CEP350: variants seen among roughly 807,000 people sequenced by gnomAD.
CEP350 encodes the protein centrosome-associated protein 350.
Under a neutral mutation model 331.8 loss-of-function variants are expected in CEP350, and 126 were observed. The ratio of observed to expected loss-of-function variants is 0.38; its 90% CI spans 0.33 to 0.44. The LOEUF (loss-of-function observed/expected upper bound fraction) is 0.44, where lower values mean the gene tolerates loss of function less well. Among genes scored for constraint, CEP350 ranks in the 20% least tolerant of loss-of-function variants. The pLI is 1.00. For missense variants in CEP350, 3,406 were observed against 3,634.6 expected (o/e 0.94, Z 1.62); for synonymous variants, 1,200 against 1,259.5 (o/e 0.95, Z 1.00).
intron 8 of CEP350, among the ~76,000 whole-genome samples, chr1:180,007,839 CGTGTGTGTGTGTGTGTGTGTGT>C (rs71118426): frequency 2.8e-5 from 4 of 140,906 alleles, no homozygotes; most frequent in African/African-American, 1.0e-4. Flanking sequence ...TTTTATGTAT[CGTGTGTGTGTGTGTGTGTGTGT>C]GTGTGTGTGT....
intron 1 of CEP350, chr1:179,968,752 C>T (rs998326874): frequency 6.5e-6 from 4 of 617,260 alleles, no homozygotes; most frequent in East Asian, 3.7e-5. Context: ...CCAAATGGAA[C>T]AGTACATCTA....
chr1:180,005,891 A>C (rs978894710), intron 7 of CEP350, among the ~76,000 whole-genome samples: 1 of 152,180 alleles, frequency 6.6e-6, no homozygotes, highest in Non-Finnish European at 1.5e-5. Flanking sequence ...TTTAAAGTAC[A>C]TTCATTCAGA....
At chr1:179,990,837 G>A (rs763224214) in intron 4 of CEP350, among the ~76,000 whole-genome samples, 4 of 152,110 alleles carry the variant, frequency 2.6e-5, no homozygotes, top group Non-Finnish European at 5.9e-5. Flanking sequence ...TGGGATTATA[G>A]GTGTAGCTAC....
intron 1 of CEP350, among the ~76,000 whole-genome samples, chr1:179,966,818 C>CT (rs1352481841): frequency 6.6e-6 from 1 of 152,136 alleles, no homozygotes; most frequent in Admixed American, 6.5e-5. Context: ...CAAATGCACA[C>CT]TGATGGAGCT....
intron 8 of CEP350, 25 bp downstream of exon 8, chr1:180,006,592 C>CTT: frequency 1.8e-6 from 2 of 1,104,420 alleles, no homozygotes; most frequent in Non-Finnish European, 2.6e-6. Flanking sequence ...CATGTCCATC[C>CTT]TTTTTTTTTG....
chr1:179,997,207 C>A, intron 6 of CEP350, 32 bp downstream of exon 6: 1 of 1,574,660 alleles, frequency 6.4e-7, no homozygotes, highest in South Asian at 1.2e-5. Context: ...CTTCCTCTCC[C>A]TGCTTCTTTG....
At chr1:180,023,928 A>G (rs577539661) in intron 13 of CEP350, among the ~76,000 whole-genome samples, 122 of 152,288 alleles carry the variant, frequency 8.0e-4, no homozygotes, top group African/African-American at 2.8e-3. Flanking sequence ...TAAAAATTAT[A>G]TGAGAAAAAG....
rs141718359 is a variant in CEP350, at chr1:180,071,331, C to T, written c.5568-3691C>T. 3.6e-4 allele frequency among the ~76,000 whole-genome samples: 51 copies of T among 141,236 alleles called. No homozygotes were observed. In the East Asian group the frequency reaches 5.2e-3, roughly 14 times the overall value. 92.7% of individuals were successfully genotyped at this position (141,236 alleles called of 152,430 possible). A position where few individuals can be genotyped will look rare whatever the true frequency, so the allele number is the denominator to read the frequency against. On this transcript the variant is annotated intron_variant, in intron 27 of 37. Coordinates refer to ENST00000367607, the MANE Select transcript of CEP350 (RefSeq NM_014810.5). ...AAAATTAGCCGGGCGTGGTGATGCG[C>T]GCCTGTAATCCCAGCTACTCAAGAG...
At chr1:180,025,698 T>A (rs1214906592) in intron 14 of CEP350, among the ~76,000 whole-genome samples, 1 of 152,018 alleles carries the variant, frequency 6.6e-6, no homozygotes, top group Non-Finnish European at 1.5e-5. Context: ...AGTTGAACAA[T>A]GCGAACACAT....
At chr1:180,069,903 G>A (rs192000785) in intron 27 of CEP350, among the ~76,000 whole-genome samples, 300 of 152,292 alleles carry the variant, frequency 2.0e-3, no homozygotes, top group Non-Finnish European at 3.0e-3. Flanking sequence ...GTAAAAAGTA[G>A]TGTTTTAGTT....
rs868209878 is a variant in CEP350 at position 180,004,784 on chromosome 1, A to G, written c.1132+1497A>G. Among the ~76,000 whole-genome samples the G allele has an allele frequency of 3.3e-5, 5 of 152,162 alleles. No individual in the cohort carries two copies. In the Middle Eastern group the frequency reaches 0.014, roughly 414 times the overall value. On this transcript the variant is annotated intron_variant, in intron 7 of 37. Transcript: ENST00000367607. ...ACTATAAGTATCTGGTTTTCCTCCT[A>G]AACCTAATTATTCTTTTTCAGTTGT...
chr1:180,037,014 A>C lies in CEP350; in HGVS notation c.4035A>C (p.Gln1345His). 1.2e-6 allele frequency: 2 copies of C among 1,604,146 alleles called. No homozygotes were observed. Among genetic ancestry groups the C allele is most frequent in the Non-Finnish European group, 1.7e-6 (2 of 1,175,054 alleles). ...ACGCCATTGAGGAGTCGGTGCGCCA[A>C]CTGTCAGATGTAGAAAGAGTTAGAG... ...YLNAIEESVRQLSDVERVRGI... is the reference protein window; with the variant it reads ...YLNAIEESVRHLSDVERVRGI... Residue 1345 changes from glutamine (Q) to histidine (H), a missense_variant, in exon 17 of 38, where the codon CAA (glutamine) becomes CAC (histidine). Gln to His is a conservative substitution (Grantham distance 24). Transcript: ENST00000367607.
chr1:180,041,015 C>T, intron 17 of CEP350, 123 bp from the exon 18 acceptor site: 1 of 667,284 alleles, frequency 1.5e-6, no homozygotes, highest in Non-Finnish European at 2.5e-6. Context: ...TACTATCTTT[C>T]CTTTTGGTTC....
rs146514655 is a variant in CEP350 at position 179,971,169 on chromosome 1, C to T, written c.-13-15000C>T. ...TTAGCCTCCCAAGTAGCTGGGACTA[C>T]AGGCACATGCCACCACACCCAGCTA... On this transcript the variant is annotated intron_variant, in intron 1 of 37. Coordinates refer to ENST00000367607, the MANE Select transcript of CEP350 (RefSeq NM_014810.5). Among the ~76,000 whole-genome samples, 815 of 152,080 alleles carry T rather than the reference C, an allele frequency of 5.4e-3. 5 individuals are homozygous for T. The highest frequency in any genetic ancestry group is 0.019 in the African/African-American group (791 of 41,490).
intron 9 of CEP350, 58 bp downstream of exon 9, chr1:180,012,133 T>C: frequency 7.0e-7 from 1 of 1,419,864 alleles, no homozygotes. Flanking sequence ...ATTAAGTACT[T>C]AGAGAAGGAA....
intron 8 of CEP350, among the ~76,000 whole-genome samples, chr1:180,011,698 T>C (rs1162720015): frequency 6.6e-6 from 1 of 152,216 alleles, no homozygotes; most frequent in Admixed American, 6.5e-5. Context: ...CATTATTTGG[T>C]ACTTAACTTT....
intron 7 of CEP350, among the ~76,000 whole-genome samples, chr1:180,005,243 A>G (rs1002107494): frequency 2.6e-5 from 4 of 151,964 alleles, no homozygotes; most frequent in African/African-American, 9.7e-5. Context: ...CTTTGGATGT[A>G]TAATAGATTT....
At chr1:180,071,734 A>G (rs1175680095) in intron 27 of CEP350, among the ~76,000 whole-genome samples, 1 of 151,986 alleles carries the variant, frequency 6.6e-6, no homozygotes, top group Non-Finnish European at 1.5e-5. Flanking sequence ...GTGAACTGAG[A>G]TGGTGCCACT....
rs759501674 is a variant in CEP350, at chr1:180,020,523, A to T, written c.2749A>T (p.Ser917Cys). 9.6e-5 allele frequency: 155 copies of T among 1,613,682 alleles called. No individual in the cohort carries two copies. The highest frequency in any genetic ancestry group is 1.2e-4 in the Non-Finnish European group (146 of 1,179,900). The change falls in exon 12 of 38, where the codon AGT becomes TGT. Residue 917 changes from serine to cysteine, a missense_variant. Physicochemically the swap from Ser to Cys is moderately radical, Grantham distance 112 (BLOSUM62 -1). Transcript: ENST00000367607. ...DDDLPGVGNL[S>C]EFKKLPEMIR... is the part of the protein sequence containing the mutation. The stretch of plus-strand genomic sequence containing the variant: ...TGATCTTCCTGGTGTAGGCAATCTT[A>T]GTGAATTTAAAAAGCTTCCTGAGAT...
Sources: gnomAD v4.1 joint callset for allele counts (sites outside exome capture counted in the v4.1 genomes callset) on GRCh38, gnomAD v4.1.1 for gene constraint, MANE v1.5 for transcripts, NCBI Gene and HGNC (gene_info 2026-07-23, HGNC 2026-07-21) for gene names.